GLI2: variants seen among roughly 807,000 people sequenced by gnomAD.
GLI2 encodes GLI family zinc finger 2, also known as transcription activator GLI2.
Under a neutral mutation model 78.9 loss-of-function variants are expected in GLI2, and 22 were observed. The ratio of observed to expected loss-of-function variants is 0.28; its 90% CI spans 0.20 to 0.40. The LOEUF (loss-of-function observed/expected upper bound fraction) is 0.40. GLI2 is among the 10% of genes least tolerant of loss of function. GLI2 has a pLI of 1.00. For synonymous variants in GLI2, 974 were observed against 963.7 expected (o/e 1.01, Z -0.20); for missense variants, 2,097 against 2,213.2 (o/e 0.95, Z 1.05).
rs749819734 is a variant in GLI2 at position 120,988,976 on chromosome 2, G to T, written c.3011G>T (p.Arg1004Leu). The T allele has an allele frequency of 6.4e-7, 1 of 1,562,936 alleles. No homozygotes were observed. Among genetic ancestry groups the T allele is most frequent in the African/African-American group, 1.3e-5 (1 of 74,152 alleles). Reference protein sequence around the residue: ...SHPSTDGGLARGAYSPRPPSI... With the variant: ...SHPSTDGGLALGAYSPRPPSI... ...CCGAGCACCGACGGCGGCCTGGCCC[G>T]CGGCGCCTACTCGCCCCGGCCGCCT... is the stretch of plus-strand genomic sequence containing the variant. Residue 1004 changes from arginine to leucine, a missense_variant, in exon 14 of 14, where the codon CGC (arginine) becomes CTC (leucine). Physicochemically the swap from Arg to Leu is moderately radical, Grantham distance 102. Coordinates refer to ENST00000361492, the MANE Select transcript of GLI2 (RefSeq NM_001374353.1).
chr2:120,767,112 C>T (rs569304681), intron 1 of GLI2, among the ~76,000 whole-genome samples: 4 of 152,340 alleles, frequency 2.6e-5, no homozygotes, highest in Admixed American at 1.3e-4. Context: ...CAGGCTCTAA[C>T]CGACCTCTAC....
intron 2 of GLI2, among the ~76,000 whole-genome samples, chr2:120,896,562 A>G (rs529107993): frequency 1.5e-4 from 23 of 152,046 alleles, no homozygotes; most frequent in Admixed American, 9.8e-4. Flanking sequence ...TTTTAGCACC[A>G]CCAACAACTG....
chr2:120,861,240 T>G (rs1265251837), intron 2 of GLI2, among the ~76,000 whole-genome samples: 2 of 152,192 alleles, frequency 1.3e-5, no homozygotes, highest in Non-Finnish European at 2.9e-5. Context: ...GTCTGTTCAG[T>G]GTGGTTCATA....
chr2:120,975,497 C>T (rs1682414671), intron 9 of GLI2, among the ~76,000 whole-genome samples: 1 of 151,962 alleles, frequency 6.6e-6, no homozygotes, highest in African/African-American at 2.4e-5. Context: ...TTAGTTAAAC[C>T]AGCCAGTATC....
At chr2:120,913,144 G>A (rs1183022088) in intron 2 of GLI2, among the ~76,000 whole-genome samples, 1 of 152,234 alleles carries the variant, frequency 6.6e-6, no homozygotes, top group East Asian at 1.9e-4. Context: ...CATATTTTGT[G>A]TATTGATGGG....
chr2:120,974,855 C>G lies in GLI2; in HGVS notation c.1183-120C>G, dbSNP rs989480072. On this transcript the variant is annotated intron_variant, in intron 8 of 13. Transcript: ENST00000361492. ...CACACACCTGTAACACACACACTTG[C>G]ATCCACACCTGTAACAGCCCAGGGT... 1.3e-5 allele frequency: 18 copies of G among 1,373,596 alleles called. No homozygotes were observed. The Admixed American group carries it at 2.0e-4, about 15-fold the overall frequency. The allele number at this position is 1,373,596 out of a possible 1,614,324, so 85.1% of individuals were successfully genotyped here.
At chr2:120,869,352 G>A (rs1217086847) in intron 2 of GLI2, among the ~76,000 whole-genome samples, 1 of 152,186 alleles carries the variant, frequency 6.6e-6, no homozygotes, top group East Asian at 1.9e-4. Context: ...CTGTTCTTGA[G>A]TTTTAAACAA....
At chr2:120,834,452 G>C (rs116074826) in intron 2 of GLI2, among the ~76,000 whole-genome samples, 266 of 152,294 alleles carry the variant, frequency 1.7e-3, no homozygotes, top group African/African-American at 5.8e-3. Flanking sequence ...TGGCCTCCCA[G>C]AGTGTAGAGC....
intron 1 of GLI2, among the ~76,000 whole-genome samples, chr2:120,767,969 C>G (rs577434122): frequency 6.6e-6 from 1 of 152,312 alleles, no homozygotes; most frequent in Non-Finnish European, 1.5e-5. Flanking sequence ...CCCTCACCCC[C>G]CACCACAGTC....
In GLI2 at chr2:120,927,551, T is replaced by C. The variant is rs1202527331; in HGVS notation, c.254+85T>C. The C allele has an allele frequency of 2.5e-5, 22 of 864,400 alleles. No individual in the cohort carries two copies. The Admixed American group carries it at 3.7e-4, about 15-fold the overall frequency. The allele number at this position is 864,400 out of a possible 1,614,324, so 53.5% of individuals were successfully genotyped here. A position where few individuals can be genotyped will look rare whatever the true frequency, so the allele number is the denominator to read the frequency against. On this transcript the variant is annotated intron_variant, in intron 3 of 13. Transcript: ENST00000361492. ...GGCCGGCAGCCTCAGCCACATCTCC[T>C]GCCTCTGTCTTTCTTTTGGGGGTTC...
chr2:120,775,234 C>T (rs568299308), intron 1 of GLI2, among the ~76,000 whole-genome samples: 22 of 152,342 alleles, frequency 1.4e-4, no homozygotes, highest in African/African-American at 5.3e-4. Flanking sequence ...GTGATTGAAG[C>T]TGTGGCAATT....
At chr2:120,879,194 TGGGGCCCAGCATGA>T (rs1375427100) in intron 2 of GLI2, among the ~76,000 whole-genome samples, 1 of 152,174 alleles carries the variant, frequency 6.6e-6, no homozygotes, top group African/African-American at 2.4e-5. Flanking sequence ...TGTGCTTTCC[TGGGGCCCAGCATGA>T]GGCCTTTCGC....
chr2:120,989,073 G>C lies in GLI2; in HGVS notation c.3108G>C (p.Leu1036=). 1 of 1,611,430 alleles carries C rather than the reference G, an allele frequency of 6.2e-7. No individual in the cohort carries two copies. Among genetic ancestry groups the C allele is most frequent in the Admixed American group, 1.7e-5 (1 of 60,010 alleles). Residue 1036 remains leucine, a synonymous_variant, in exon 14 of 14, where the codon CTG becomes CTC. Transcript: ENST00000361492. ...ACGGCGCGGGGCCCGAGGCCGACCT[G>C]GGGCTGCCGGAGGACGACCTGGTGC... The part of the protein sequence containing the change: ...GVDGAGPEAD[L]GLPEDDLVLP...
At chr2:120,899,299 G>C (rs2104775780) in intron 2 of GLI2, among the ~76,000 whole-genome samples, 1 of 152,312 alleles carries the variant, frequency 6.6e-6, no homozygotes, top group South Asian at 2.1e-4. Context: ...AACACTTGAG[G>C]ATGGGAGGGA....
chr2:120,859,701 C>T (rs187074663), intron 2 of GLI2, among the ~76,000 whole-genome samples: 23 of 151,956 alleles, frequency 1.5e-4, no homozygotes, highest in East Asian at 7.8e-4. Flanking sequence ...GTGATCCGCC[C>T]GCCTTGGCCT....
chr2:120,855,410 C>G (rs1040271961), intron 2 of GLI2, among the ~76,000 whole-genome samples: 1 of 152,198 alleles, frequency 6.6e-6, no homozygotes, highest in Admixed American at 6.5e-5. Flanking sequence ...ACAGTCTGCA[C>G]AGTGCATTGT....
intron 3 of GLI2, among the ~76,000 whole-genome samples, chr2:120,936,006 G>A (rs146999046): frequency 4.6e-5 from 7 of 152,226 alleles, no homozygotes; most frequent in Admixed American, 1.3e-4. Flanking sequence ...CGAGGTGGGC[G>A]TGCAGTGGGG....
rs1683307674 is a variant in GLI2, at chr2:120,991,961, C to T, written c.*1286C>T. ...ATTTGGAACTGGCTTCAGGAGACAT[C>T]ATTCCTGAACACACTGTAGGGTGAA... On this transcript the variant is annotated 3_prime_UTR_variant, in exon 14 of 14. Transcript: ENST00000361492. 6.6e-6 allele frequency: 1 copy of T among 150,906 alleles called. No homozygotes were observed. Among genetic ancestry groups the T allele is most frequent in the Non-Finnish European group, 1.5e-5 (1 of 67,940 alleles). 9.3% of individuals were successfully genotyped at this position (150,906 alleles called of 1,614,324 possible).
intron 2 of GLI2, among the ~76,000 whole-genome samples, chr2:120,909,400 G>T (rs536887042): frequency 6.6e-6 from 1 of 152,128 alleles, no homozygotes; most frequent in East Asian, 1.9e-4. Context: ...TCCTCCCACT[G>T]CACCTGGCTC....
Sources: gnomAD v4.1 joint callset for allele counts (sites outside exome capture counted in the v4.1 genomes callset) on GRCh38, gnomAD v4.1.1 for gene constraint, MANE v1.5 for transcripts, NCBI Gene and HGNC (gene_info 2026-07-23, HGNC 2026-07-21) for gene names.